ATP11A: variants seen among roughly 807,000 people sequenced by gnomAD.
ATP11A encodes the protein ATPase phospholipid transporting 11A.
A neutral mutation model predicts 154.4 loss-of-function variants in ATP11A; 81 were observed. That is an observed-to-expected ratio of 0.52 (90% CI 0.44 to 0.63). ATP11A has a LOEUF of 0.63. Among genes scored for constraint, ATP11A ranks in the 30% least tolerant of loss-of-function variants. ATP11A has a pLI of 0.00. For synonymous variants in ATP11A, 623 were observed against 585.9 expected, an observed-to-expected ratio of 1.06 and a Z score of -0.91; for missense variants, 1,316 against 1,474.3, an observed-to-expected ratio of 0.89 and a Z score of 1.76.
chr13:112,862,343 A>G (rs2080134643), intron 24 of ATP11A, 97 bp from the exon 25 acceptor site: 3 of 1,461,474 alleles, frequency 2.1e-6, no homozygotes, highest in Non-Finnish European at 2.8e-6. Flanking sequence ...ATCTTATCCC[A>G]TGAAGACAAC....
At chr13:112,824,486 G>A in intron 10 of ATP11A, 61 bp downstream of exon 10, 1 of 1,501,046 alleles carries the variant, frequency 6.7e-7, no homozygotes. Context: ...CTGTAGAAAT[G>A]GAAGTAGCTT....
chr13:112,886,419 AT>A lies in ATP11A; in HGVS notation c.*4556del, dbSNP rs2080981941. 6.6e-6 allele frequency: 1 copy of A among 152,250 alleles called. No homozygotes were observed. The highest frequency in any genetic ancestry group is 6.5e-5 in the Admixed American group (1 of 15,286). 9.4% of individuals were successfully genotyped at this position (152,250 alleles called of 1,614,324 possible). On this transcript the variant is annotated 3_prime_UTR_variant, in exon 30 of 30. Transcript: ENST00000375645. ...CTCTTATTTAATGTTAGTATTATTT[AT>A]TTGACAACTCAGTGTCTAACAGCTT...
intron 13 of ATP11A, among the ~76,000 whole-genome samples, chr13:112,832,249 A>G (rs1447222443): frequency 1.3e-5 from 2 of 152,216 alleles, no homozygotes; most frequent in Admixed American, 1.3e-4. Flanking sequence ...TTCCCCGCAC[A>G]CAGGGCAGCC....
intron 2 of ATP11A, among the ~76,000 whole-genome samples, chr13:112,792,480 C>T (rs768430): frequency 0.044 from 6,733 of 152,224 alleles, 469 homozygotes; most frequent in African/African-American, 0.15. Context: ...TTTTAAGTGC[C>T]ACAGAAGCTT....
At chr13:112,748,853 G>A (rs1566422160) in intron 1 of ATP11A, among the ~76,000 whole-genome samples, 3 of 152,128 alleles carry the variant, frequency 2.0e-5, no homozygotes, top group Non-Finnish European at 2.9e-5. Context: ...GTATGTGGTC[G>A]GATCTAACTA....
At chr13:112,693,052 AGATAAAGAAG>A (rs1358778927) in intron 1 of ATP11A, among the ~76,000 whole-genome samples, 1 of 152,248 alleles carries the variant, frequency 6.6e-6, no homozygotes, top group African/African-American at 2.4e-5. Context: ...GGTGGCTAAA[AGATAAAGAAG>A]TCCTTGGAAA....
At chr13:112,800,363 G>A (rs562978725) in intron 2 of ATP11A, among the ~76,000 whole-genome samples, 1 of 152,084 alleles carries the variant, frequency 6.6e-6, no homozygotes, top group Non-Finnish European at 1.5e-5. Flanking sequence ...GGAATATCAT[G>A]AACAGCCCTA....
Position 112,807,543 on chromosome 13 carries a change from G to A in ATP11A, c.333+1250G>A, listed in dbSNP as rs980800225. Among the ~76,000 whole-genome samples the A allele has an allele frequency of 1.3e-5, 2 of 152,184 alleles. No homozygotes were observed. The highest frequency in any genetic ancestry group is 2.4e-5 in the African/African-American group (1 of 41,436). On this transcript the variant is annotated intron_variant, in intron 4 of 29. Transcript: ENST00000375645. The surrounding 1 kb of genome is among the most constrained non-coding windows in gnomAD (Gnocchi z 4.5). ...CAAGGACGCGCTGCCTGTGACTCAG[G>A]CAGTTTAACTCCTACCTGGGATAAG...
At chr13:112,832,818 A>T in intron 13 of ATP11A, 42 bp from the exon 14 acceptor site, 2 of 1,592,692 alleles carry the variant, frequency 1.3e-6, no homozygotes, top group Non-Finnish European at 1.7e-6. Flanking sequence ...TCTTCAGTGG[A>T]CGCACCGTGA....
chr13:112,697,908 T>TA lies in ATP11A; in HGVS notation c.39+7455dup, dbSNP rs1194149149. 6.6e-6 allele frequency among the ~76,000 whole-genome samples: 1 copy of TA among 152,150 alleles called. No individual in the cohort carries two copies. Among genetic ancestry groups the TA allele is most frequent in the African/African-American group, 2.4e-5 (1 of 41,424 alleles). The stretch of plus-strand genomic sequence containing the variant: ...CTTTCATTTTAAAACGATGAGTTCC[T>TA]AAGAACTAGACTCTGATCCCTGGAA... On this transcript the variant is annotated intron_variant, in intron 1 of 29. Coordinates refer to ENST00000375645, the MANE Select transcript of ATP11A (RefSeq NM_015205.3). The surrounding 1 kb of genome is among the most constrained non-coding windows in gnomAD (Gnocchi z 4.0).
chr13:112,739,298 G>A (rs1891300628), intron 1 of ATP11A, among the ~76,000 whole-genome samples: 2 of 152,180 alleles, frequency 1.3e-5, no homozygotes, highest in South Asian at 2.1e-4. Flanking sequence ...TAATCTAACC[G>A]TGGGCAAAAG....
chr13:112,727,828 T>G (rs1246530900), intron 1 of ATP11A, among the ~76,000 whole-genome samples: 1 of 152,362 alleles, frequency 6.6e-6, no homozygotes, highest in East Asian at 1.9e-4. Context: ...GCTCGGGGAC[T>G]CCGGCGCTGG....
intron 1 of ATP11A, among the ~76,000 whole-genome samples, chr13:112,700,973 C>T (rs568335708): frequency 8.5e-5 from 13 of 152,174 alleles, no homozygotes; most frequent in Non-Finnish European, 1.2e-4. Context: ...GAGACTTCCA[C>T]GTTAGCGCTG....
At position 112,859,309 on chromosome 13, in the gene ATP11A, C is replaced by T. The variant is rs1474383613; in HGVS notation, c.2668-84C>T. ...GCTGGGTGCACGTGGATCCCTCCTCCCATGTGGGGTGGGCCACGTCGGTAG... is the reference window on the plus strand; with the variant it reads ...GCTGGGTGCACGTGGATCCCTCCTCTCATGTGGGGTGGGCCACGTCGGTAG... On this transcript the variant is annotated intron_variant, in intron 22 of 29. Transcript: ENST00000375645. This position sits in a 1 kb window ranked among gnomAD's most constrained non-coding sequence, Gnocchi z 4.3. The T allele has an allele frequency of 1.8e-6, 2 of 1,082,998 alleles. No homozygotes were observed. The highest frequency in any genetic ancestry group is 2.9e-6 in the Non-Finnish European group (2 of 696,466). The allele number at this position is 1,082,998 out of a possible 1,614,324, so 67.1% of individuals were successfully genotyped here.
In ATP11A at chr13:112,725,417, G is replaced by A. The variant is rs116511081; in HGVS notation, c.39+34962G>A. Among the ~76,000 whole-genome samples, 601 of 152,128 alleles carry A rather than the reference G, an allele frequency of 4.0e-3. 4 individuals carry two copies. Among genetic ancestry groups the A allele is most frequent in the African/African-American group, 0.014 (567 of 41,510 alleles). The stretch of plus-strand genomic sequence containing the variant: ...GCCCGGGCATGCACCAGCCTCCTTC[G>A]CCCCCATCGCCTGGCCCCTGCCACC... On this transcript the variant is annotated intron_variant, in intron 1 of 29. Coordinates refer to ENST00000375645, the MANE Select transcript of ATP11A (RefSeq NM_015205.3).
At chr13:112,703,129 T>C (rs1460225845) in intron 1 of ATP11A, among the ~76,000 whole-genome samples, 1 of 152,238 alleles carries the variant, frequency 6.6e-6, no homozygotes, top group Non-Finnish European at 1.5e-5. Flanking sequence ...TACTGCAGGC[T>C]GCATGGTTTA....
intron 17 of ATP11A, among the ~76,000 whole-genome samples, chr13:112,846,825 T>TAG (rs2079622937): frequency 6.6e-6 from 1 of 152,190 alleles, no homozygotes; most frequent in Non-Finnish European, 1.5e-5. Flanking sequence ...GGCCATGCCT[T>TAG]CGTGATGTCC....
chr13:112,747,521 T>C (rs926573855), intron 1 of ATP11A: 1 of 152,242 alleles, frequency 6.6e-6, no homozygotes, highest in Admixed American at 6.5e-5. Context: ...AGCCCTACTG[T>C]AGCTTTTTAG....
chr13:112,857,738 TG>T (rs1322640942), intron 20 of ATP11A, 79 bp from the exon 21 acceptor site: 1 of 1,164,280 alleles, frequency 8.6e-7, no homozygotes, highest in African/African-American at 1.5e-5. Flanking sequence ...TTTTCATCTT[TG>T]TTATTTCTGC....
Sources: gnomAD v4.1 joint callset for allele counts (sites outside exome capture counted in the v4.1 genomes callset) on GRCh38, gnomAD v4.1.1 for gene constraint, Gnocchi (gnomAD v3.1) non-coding constraint, MANE v1.5 for transcripts, NCBI Gene and HGNC (gene_info 2026-07-23, HGNC 2026-07-21) for gene names.